The following DPY19L4 variants were observed in gnomAD, a reference collection of about 807,000 sequenced individuals.
DPY19L4 encodes dpy-19 like 4, also known as probable C-mannosyltransferase DPY19L4.
A neutral mutation model predicts 102.8 loss-of-function variants in DPY19L4; 97 were observed. The observed-to-expected ratio is 0.94, with a 90% CI of 0.80 to 1.12. The LOEUF (loss-of-function observed/expected upper bound fraction) is 1.12. DPY19L4 is among the 50% of genes most tolerant of loss of function. The probability of loss-of-function intolerance (pLI) is 0.00; values close to 1 mark genes in which losing one functional copy is unlikely to be tolerated. For missense variants in DPY19L4, 815 were observed against 850.4 expected, an observed-to-expected ratio of 0.96 and a Z score of 0.52; for synonymous variants, 252 against 283.1, an observed-to-expected ratio of 0.89 and a Z score of 1.10.
chr8:94,738,307 A>C (rs1811278874), intron 3 of DPY19L4, 62 bp from the exon 4 acceptor site: 4 of 891,960 alleles, frequency 4.5e-6, no homozygotes, highest in Non-Finnish European at 5.8e-6. Flanking sequence ...CGACAGAGCG[A>C]GACTCTGTCT....
rs572193383 is a variant in DPY19L4 at position 94,747,070 on chromosome 8, G to A, written c.611+7280G>A. Among the ~76,000 whole-genome samples, 114 of 151,342 alleles carry A rather than the reference G, an allele frequency of 7.5e-4. 1 individual carries two copies. The highest frequency in any genetic ancestry group is 2.5e-3 in the African/African-American group (101 of 41,210). ...GGTTTTTTTTTGTTGCTGTTGTTTCGGGTTTTTTGAGACAGAGTCTCACTC... is the reference window on the plus strand; with the variant it reads ...GGTTTTTTTTTGTTGCTGTTGTTTCAGGTTTTTTGAGACAGAGTCTCACTC... On this transcript the variant is annotated intron_variant, in intron 6 of 18. Transcript: ENST00000414645.
intron 14 of DPY19L4, among the ~76,000 whole-genome samples, chr8:94,779,815 A>G (rs2130927236): frequency 6.6e-6 from 1 of 152,318 alleles, no homozygotes; most frequent in East Asian, 1.9e-4. Flanking sequence ...ACTAAAAGAC[A>G]TGGGACAGAA....
chr8:94,726,544 A>G (rs1810697803), intron 2 of DPY19L4, 103 bp downstream of exon 2: 2 of 947,738 alleles, frequency 2.1e-6, no homozygotes, highest in Non-Finnish European at 3.1e-6. Flanking sequence ...GAGATTAAGT[A>G]TATGCTCAGC....
chr8:94,781,806 A>G (rs191796262), intron 16 of DPY19L4, among the ~76,000 whole-genome samples: 89 of 152,340 alleles, frequency 5.8e-4, no homozygotes, highest in African/African-American at 2.1e-3. Flanking sequence ...ATGGATCTGA[A>G]TTCATGTGGT....
Position 94,765,322 on chromosome 8 carries a change from G to A in DPY19L4, c.1002+8G>A, listed in dbSNP as rs747462000. ...CTTGCTAAGTGCCTTCAGGTAACTA[G>A]AATTATCTTTTTATTGTTCTTATTT... On this transcript the variant is annotated splice_region_variant and intron_variant, in intron 9 of 18. Transcript: ENST00000414645. The A allele has an allele frequency of 6.3e-7, 1 of 1,585,616 alleles. No individual in the cohort carries two copies. The highest frequency in any genetic ancestry group is 1.4e-5 in the African/African-American group (1 of 72,546).
chr8:94,777,409 C>G (rs1443558201), intron 13 of DPY19L4, among the ~76,000 whole-genome samples: 1 of 152,184 alleles, frequency 6.6e-6, no homozygotes, highest in Non-Finnish European at 1.5e-5. Context: ...CTTATATTCT[C>G]TCCAAGAATA....
chr8:94,731,849 A>G (rs1164937179), intron 2 of DPY19L4, among the ~76,000 whole-genome samples: 2 of 149,166 alleles, frequency 1.3e-5, no homozygotes, highest in South Asian at 2.1e-4. Flanking sequence ...CCCCCTGCAA[A>G]CTCTGCCTCC....
intron 2 of DPY19L4, among the ~76,000 whole-genome samples, chr8:94,728,486 A>G (rs1810787721): frequency 6.6e-6 from 1 of 152,174 alleles, no homozygotes; most frequent in Non-Finnish European, 1.5e-5. Flanking sequence ...GTCATCCTTA[A>G]GGGCTAAACA....
chr8:94,756,381 A>G (rs1346214785), intron 7 of DPY19L4, among the ~76,000 whole-genome samples: 1 of 152,228 alleles, frequency 6.6e-6, no homozygotes, highest in Non-Finnish European at 1.5e-5. Flanking sequence ...TTATCATTTT[A>G]ATATAGTTAA....
chr8:94,756,155 G>T lies in DPY19L4; in HGVS notation c.731G>T (p.Gly244Val). Reference sequence around the variant, plus strand: ...TTAAAAAGCAACTTAAATACTTATGGAGAGGTAAGATACAAATCTGTTTTA... The same window carrying T: ...TTAAAAAGCAACTTAAATACTTATGTAGAGGTAAGATACAAATCTGTTTTA... ...GYLKSNLNTYGERFCYLLMSA... is the reference protein window; with the variant it reads ...GYLKSNLNTYVERFCYLLMSA... The change falls in exon 7 of 19, where the codon GGA becomes GTA. Residue 244 changes from glycine to valine, a missense_variant. Transcript: ENST00000414645. The T allele has an allele frequency of 6.2e-7, 1 of 1,612,762 alleles. No individual in the cohort carries two copies. The highest frequency in any genetic ancestry group is 8.5e-7 in the Non-Finnish European group (1 of 1,179,568).
At chr8:94,755,549 C>T (rs570529969) in intron 6 of DPY19L4, among the ~76,000 whole-genome samples, 10 of 152,080 alleles carry the variant, frequency 6.6e-5, no homozygotes, top group East Asian at 1.9e-4. Flanking sequence ...TTGGGGGCAG[C>T]GGGGGCTGGG....
In DPY19L4 at chr8:94,719,926, G is replaced by A; in HGVS notation, c.-73G>A. On this transcript the variant is annotated 5_prime_UTR_variant, in exon 1 of 19. Transcript: ENST00000414645. ...GGAGCGGGCCCCCGGAGGCCGAGGG[G>A]TTCGGCGACGCGGAGGGAGGGAGAG... The A allele has an allele frequency of 1.4e-6, 2 of 1,444,630 alleles. No homozygotes were observed. Among genetic ancestry groups the A allele is most frequent in the Non-Finnish European group, 1.8e-6 (2 of 1,093,170 alleles). 89.5% of individuals were successfully genotyped at this position (1,444,630 alleles called of 1,614,324 possible).
intron 2 of DPY19L4, among the ~76,000 whole-genome samples, chr8:94,734,172 C>T (rs1811093873): frequency 6.6e-6 from 1 of 150,552 alleles, no homozygotes; most frequent in Non-Finnish European, 1.5e-5. Flanking sequence ...GATTCTTGTG[C>T]CTCAGCCTCC....
At chr8:94,780,509 C>A in intron 15 of DPY19L4, 94 bp downstream of exon 15, 1 of 776,068 alleles carries the variant, frequency 1.3e-6, no homozygotes, top group African/African-American at 1.8e-5. Context: ...TGTTGAGACA[C>A]TATCCTAACA....
chr8:94,729,308 G>A (rs1810830741), intron 2 of DPY19L4, among the ~76,000 whole-genome samples: 1 of 151,774 alleles, frequency 6.6e-6, no homozygotes, highest in African/African-American at 2.4e-5. Context: ...GGAAGCGGAG[G>A]TCACAATGAG....
intron 2 of DPY19L4, among the ~76,000 whole-genome samples, chr8:94,730,871 G>A (rs185459123): frequency 0.012 from 1,754 of 145,924 alleles, 30 homozygotes; most frequent in African/African-American, 0.042. Flanking sequence ...TCAGCCTCCC[G>A]AGTAGCTGGG....
intron 6 of DPY19L4, among the ~76,000 whole-genome samples, 191 bp from the exon 7 acceptor site, chr8:94,755,845 A>G (rs1812138055): frequency 6.6e-6 from 1 of 151,964 alleles, no homozygotes; most frequent in African/African-American, 2.4e-5. Context: ...AGATCGTGCC[A>G]CTGCACTCCA....
intron 17 of DPY19L4, among the ~76,000 whole-genome samples, chr8:94,785,244 A>C (rs1178113341): frequency 6.6e-6 from 1 of 152,200 alleles, no homozygotes; most frequent in Non-Finnish European, 1.5e-5. Context: ...ACACAGTAAA[A>C]TTTTAAAGTT....
At chr8:94,732,669 A>G (rs1165576610) in intron 2 of DPY19L4, among the ~76,000 whole-genome samples, 1 of 152,030 alleles carries the variant, frequency 6.6e-6, no homozygotes, top group African/African-American at 2.4e-5. Flanking sequence ...TTATTCTTCA[A>G]TGAATAAAAA....
Sources: allele counts gnomAD v4.1 joint callset (sites outside exome capture counted in the v4.1 genomes callset), GRCh38; gene constraint gnomAD v4.1.1; transcripts MANE v1.5; gene names NCBI Gene and HGNC (gene_info 2026-07-23, HGNC 2026-07-21).